The following EFCAB13 variants were observed in gnomAD, a reference collection of about 807,000 sequenced individuals.
The protein encoded by EFCAB13 is EF-hand calcium binding domain 13, also known as EF-hand calcium-binding domain-containing protein 13.
In EFCAB13, 91 loss-of-function variants were observed where a neutral mutation model predicts 110.2. The ratio of observed to expected loss-of-function variants is 0.83; its 90% CI spans 0.70 to 0.98. The LOEUF is 0.98. Ranked by LOEUF, EFCAB13 falls within the 50% of genes least tolerant of loss-of-function variation. EFCAB13 has a pLI of 0.00. For missense variants in EFCAB13, 968 were observed against 1,119.4 expected (o/e 0.86, Z 1.93); for synonymous variants, 323 against 369.9 (o/e 0.87, Z 1.45).
intron 9 of EFCAB13, among the ~76,000 whole-genome samples, chr17:47,358,761 A>G (rs2065494334): frequency 6.6e-6 from 1 of 152,086 alleles, no homozygotes; most frequent in Non-Finnish European, 1.5e-5. Flanking sequence ...ATACATTTTC[A>G]TCATGATTGT....
Position 47,370,520 on chromosome 17 carries a change from C to T in EFCAB13, c.877+12C>T. Reference sequence around the variant, plus strand: ...GTATGAGGATGTTTGTAAGTGAGCTCTTGTTGCTATGACAAGTTTTGTTTA... The same window carrying T: ...GTATGAGGATGTTTGTAAGTGAGCTTTTGTTGCTATGACAAGTTTTGTTTA... On this transcript the variant is annotated intron_variant, in intron 11 of 24. Coordinates refer to ENST00000331493, the MANE Select transcript of EFCAB13 (RefSeq NM_152347.5). The T allele has an allele frequency of 6.4e-7, 1 of 1,570,098 alleles. No homozygotes were observed. Among genetic ancestry groups the T allele is most frequent in the East Asian group, 2.3e-5 (1 of 44,196 alleles).
intron 6 of EFCAB13, among the ~76,000 whole-genome samples, chr17:47,342,973 C>T (rs2065394281): frequency 1.3e-5 from 2 of 152,016 alleles, no homozygotes; most frequent in Non-Finnish European, 1.5e-5. Context: ...TTTGATGGTT[C>T]TTAAAATATG....
intron 4 of EFCAB13, among the ~76,000 whole-genome samples, chr17:47,334,232 A>G (rs1379350940): frequency 6.6e-6 from 1 of 151,914 alleles, no homozygotes; most frequent in Non-Finnish European, 1.5e-5. Context: ...CTCTTTTCAT[A>G]TCATTATTTA....
chr17:47,345,487 G>A (rs963109408), intron 8 of EFCAB13, among the ~76,000 whole-genome samples: 3 of 151,986 alleles, frequency 2.0e-5, no homozygotes, highest in Non-Finnish European at 2.9e-5. Flanking sequence ...GACCTCTCCC[G>A]TATCTTGGGT....
In EFCAB13 at chr17:47,328,286, T is replaced by C. The variant is rs745998161; in HGVS notation, c.-68T>C. The C allele has an allele frequency of 1.5e-6, 2 of 1,316,758 alleles. No individual in the cohort carries two copies. Among genetic ancestry groups the C allele is most frequent in the South Asian group, 2.4e-5 (2 of 83,612 alleles). The allele number at this position is 1,316,758 out of a possible 1,614,324, so 81.6% of individuals were successfully genotyped here. On this transcript the variant is annotated 5_prime_UTR_variant, in exon 4 of 25. Transcript: ENST00000331493. ...TTTGGCAGGAAATCCTTTTGTACTA[T>C]TGCTCATTCATACTTGTTCATCAAA...
intron 8 of EFCAB13, among the ~76,000 whole-genome samples, chr17:47,346,264 T>G (rs2065415107): frequency 6.6e-6 from 1 of 152,186 alleles, no homozygotes; most frequent in Non-Finnish European, 1.5e-5. Context: ...TAAGTTTGAC[T>G]ATTTTAGATG....
chr17:47,334,989 C>T (rs1195027949), intron 4 of EFCAB13, among the ~76,000 whole-genome samples: 1 of 152,166 alleles, frequency 6.6e-6, no homozygotes, highest in Admixed American at 6.5e-5. Context: ...CTGTATAATG[C>T]ACTAAGGATA....
chr17:47,362,457 C>A (rs948294051), intron 10 of EFCAB13, among the ~76,000 whole-genome samples: 1 of 152,242 alleles, frequency 6.6e-6, no homozygotes, highest in Non-Finnish European at 1.5e-5. Flanking sequence ...GCGTCAGTGT[C>A]AAGGAAAAAC....
chr17:47,362,937 G>A lies in EFCAB13; in HGVS notation c.805+1416G>A, dbSNP rs192020433. ...GCATTCGGGGCCACTACCAGTCTCC[G>A]CATCTTGGTGGTAGTGGTACCCCGG... On this transcript the variant is annotated intron_variant, in intron 10 of 24. Transcript: ENST00000331493. 3.1e-3 allele frequency among the ~76,000 whole-genome samples: 473 copies of A among 152,084 alleles called. 2 individuals carry two copies. Among genetic ancestry groups the A allele is most frequent in the African/African-American group, 9.8e-3 (408 of 41,480 alleles).
In EFCAB13 at chr17:47,440,621, T is replaced by C. The variant is rs1480568702; in HGVS notation, c.2829T>C (p.Asn943=). The C allele has an allele frequency of 6.2e-7, 1 of 1,611,522 alleles. No individual in the cohort carries two copies. Among genetic ancestry groups the C allele is most frequent in the African/African-American group, 1.3e-5 (1 of 74,816 alleles). ...VKAQVSKKQY[N]MNIKQHKISL... ...CACAGGTAAGTAAGAAGCAATACAA[T>C]ATGAATATAAAACAACACAAGATTA... The change falls in exon 25 of 25, where the codon AAT becomes AAC. Residue 943 remains asparagine (N), a synonymous_variant. Coordinates refer to ENST00000331493, the MANE Select transcript of EFCAB13 (RefSeq NM_152347.5).
chr17:47,372,887 G>A (rs1452748260), intron 11 of EFCAB13, among the ~76,000 whole-genome samples: 1 of 152,040 alleles, frequency 6.6e-6, no homozygotes, highest in Non-Finnish European at 1.5e-5. Flanking sequence ...ATTATAATAT[G>A]TCTTGGTGTA....
At chr17:47,350,215 C>T (rs954011366) in intron 9 of EFCAB13, among the ~76,000 whole-genome samples, 6 of 152,114 alleles carry the variant, frequency 3.9e-5, no homozygotes, top group Non-Finnish European at 7.4e-5. Flanking sequence ...ACAAATCTCC[C>T]ACTAGTGTGG....
At chr17:47,432,687 A>G (rs905587025) in intron 24 of EFCAB13, among the ~76,000 whole-genome samples, 1 of 152,208 alleles carries the variant, frequency 6.6e-6, no homozygotes, top group East Asian at 1.9e-4. Flanking sequence ...CTACCTTGAT[A>G]TTAGTATAGC....
intron 3 of EFCAB13, among the ~76,000 whole-genome samples, chr17:47,326,988 GTAATA>G (rs933923709): frequency 6.6e-6 from 1 of 152,138 alleles, no homozygotes; most frequent in African/African-American, 2.4e-5. Flanking sequence ...AACTAGCAAT[GTAATA>G]TAATGTAATA....
At chr17:47,332,829 G>T (rs2143226360) in intron 4 of EFCAB13, among the ~76,000 whole-genome samples, 1 of 152,230 alleles carries the variant, frequency 6.6e-6, no homozygotes. Context: ...TGGACACTTA[G>T]GTTACTTTTA....
At chr17:47,343,115 T>G (rs1326845890) in intron 6 of EFCAB13, among the ~76,000 whole-genome samples, 1 of 152,188 alleles carries the variant, frequency 6.6e-6, no homozygotes, top group Non-Finnish European at 1.5e-5. Context: ...TCATGTTAAC[T>G]TGTTCTTTGG....
intron 14 of EFCAB13, among the ~76,000 whole-genome samples, chr17:47,382,106 CT>C (rs1331798555): frequency 6.6e-6 from 1 of 152,068 alleles, no homozygotes; most frequent in Non-Finnish European, 1.5e-5. Context: ...GTATTTTATT[CT>C]CTTTGTAGCA....
In EFCAB13 at chr17:47,414,865, T is replaced by A. The variant is rs199583808; in HGVS notation, c.2440T>A (p.Leu814Ile). The change falls in exon 23 of 25, where the codon TTA becomes ATA. Residue 814 changes from leucine to isoleucine, a missense_variant. Leu to Ile is a conservative substitution (Grantham distance 5, BLOSUM62 2). Transcript: ENST00000331493. ...CNVSDNMEVD[L>I]KDFLMKMKES... ...CCTTCCAGATAATATGGAGGTGGAT[T>A]TAAAAGATTTCTTAATGAAAATGAA... is the stretch of plus-strand genomic sequence containing the variant. 59 of 1,606,380 alleles carry A rather than the reference T, an allele frequency of 3.7e-5. No homozygotes were observed. Among genetic ancestry groups the A allele is most frequent in the Non-Finnish European group, 4.3e-5 (51 of 1,174,868 alleles).
At chr17:47,418,649 G>A (rs1445214508) in intron 23 of EFCAB13, among the ~76,000 whole-genome samples, 1 of 152,158 alleles carries the variant, frequency 6.6e-6, no homozygotes, top group African/African-American at 2.4e-5. Flanking sequence ...GCAAACTCCT[G>A]AAGGTTTACA....
Sources: gnomAD v4.1 joint callset for allele counts (sites outside exome capture counted in the v4.1 genomes callset) on GRCh38, gnomAD v4.1.1 for gene constraint, MANE v1.5 for transcripts, NCBI Gene and HGNC (gene_info 2026-07-23, HGNC 2026-07-21) for gene names.